The following COL28A1 variants were observed in gnomAD, a reference collection of about 807,000 sequenced individuals.
COL28A1 encodes collagen type XXVIII alpha 1 chain.
Under a neutral mutation model 150.2 loss-of-function variants are expected in COL28A1, and 161 were observed. The ratio of observed to expected loss-of-function variants is 1.07; its 90% CI spans 0.94 to 1.22. COL28A1 has a LOEUF of 1.22. Ranked by LOEUF, COL28A1 falls within the 50% of genes most tolerant of loss-of-function variation. The pLI, the probability that COL28A1 is intolerant of heterozygous loss-of-function variation, is 0.00. For missense variants in COL28A1, 1,617 were observed against 1,388.3 expected, an observed-to-expected ratio of 1.16 and a Z score of -2.62; for synonymous variants, 552 against 469.7, an observed-to-expected ratio of 1.18 and a Z score of -2.26.
At chr7:7,527,455 G>T (rs1782090521) in intron 3 of COL28A1, among the ~76,000 whole-genome samples, 1 of 152,218 alleles carries the variant, frequency 6.6e-6, no homozygotes, top group African/African-American at 2.4e-5. Flanking sequence ...AAGGACTAGT[G>T]TGGGCAATAA....
At chr7:7,530,352 G>A (rs868850144) in intron 3 of COL28A1, among the ~76,000 whole-genome samples, 7 of 152,144 alleles carry the variant, frequency 4.6e-5, no homozygotes, top group African/African-American at 1.4e-4. Flanking sequence ...AAGCAACAGA[G>A]AGTAAAAAGA....
At chr7:7,403,399 T>A (rs1161549767) in intron 27 of COL28A1, among the ~76,000 whole-genome samples, 1 of 152,212 alleles carries the variant, frequency 6.6e-6, no homozygotes, top group Non-Finnish European at 1.5e-5. Flanking sequence ...TCTCAACGCC[T>A]CTTTTGACTT....
At chr7:7,347,715 T>C in the COL28A1 span, among the ~76,000 whole-genome samples, 1 of 152,032 alleles carries the variant, frequency 6.6e-6, no homozygotes, top group African/African-American at 2.4e-5. Flanking sequence ...GAGACTGCCA[T>C]GTGGAGAAGA....
chr7:7,519,932 T>G, intron 6 of COL28A1, 130 bp downstream of exon 6: 1 of 561,114 alleles, frequency 1.8e-6, no homozygotes, highest in Non-Finnish European at 3.2e-6. Context: ...GTGGAAATCC[T>G]GTATTCTTCA....
At chr7:7,397,663 G>A (rs918138043) in intron 27 of COL28A1, among the ~76,000 whole-genome samples, 3 of 152,150 alleles carry the variant, frequency 2.0e-5, no homozygotes, top group Non-Finnish European at 2.9e-5. Flanking sequence ...CTTCTCAGGC[G>A]TGAGCTTCAA....
intron 18 of COL28A1, among the ~76,000 whole-genome samples, chr7:7,447,713 G>T (rs1360838955): frequency 1.3e-5 from 2 of 152,054 alleles, no homozygotes; most frequent in African/African-American, 2.4e-5. Flanking sequence ...AAAAACACTG[G>T]ACAGAATTAA....
At chr7:7,503,649 A>G (rs1780652785) in intron 11 of COL28A1, among the ~76,000 whole-genome samples, 1 of 152,238 alleles carries the variant, frequency 6.6e-6, no homozygotes, top group Non-Finnish European at 1.5e-5. Context: ...CTGAAAACTG[A>G]CTTTTATGAC....
At chr7:7,413,472 C>T (rs1195267570) in intron 27 of COL28A1, among the ~76,000 whole-genome samples, 1 of 152,160 alleles carries the variant, frequency 6.6e-6, no homozygotes, top group Non-Finnish European at 1.5e-5. Context: ...CCTTTCCAAG[C>T]CACTTTGCAA....
intron 11 of COL28A1, among the ~76,000 whole-genome samples, chr7:7,499,070 C>T (rs961796492): frequency 5.9e-5 from 9 of 152,010 alleles, no homozygotes; most frequent in Non-Finnish European, 1.0e-4. Context: ...TCATGTCAAA[C>T]GAGTTAATAA....
chr7:7,388,540 G>C (rs1232777300), intron 27 of COL28A1, among the ~76,000 whole-genome samples: 3 of 152,248 alleles, frequency 2.0e-5, no homozygotes, highest in African/African-American at 7.2e-5. Flanking sequence ...GGATTGCTGG[G>C]TCAAATGGTA....
At chr7:7,472,538 G>A (rs889305492) in intron 15 of COL28A1, among the ~76,000 whole-genome samples, 1 of 152,102 alleles carries the variant, frequency 6.6e-6, no homozygotes, top group East Asian at 1.9e-4. Flanking sequence ...ACAAACAAAT[G>A]CAAACACATC....
chr7:7,481,712 C>T (rs1327607700), intron 13 of COL28A1, among the ~76,000 whole-genome samples: 1 of 152,184 alleles, frequency 6.6e-6, no homozygotes, highest in Non-Finnish European at 1.5e-5. Flanking sequence ...CATCTTATTA[C>T]TTTCCGTAGT....
At chr7:7,446,999 G>A (rs761093438) in intron 18 of COL28A1, among the ~76,000 whole-genome samples, 1 of 152,164 alleles carries the variant, frequency 6.6e-6, no homozygotes, top group Non-Finnish European at 1.5e-5. Context: ...AAGGATTAGA[G>A]AGAACTGACA....
chr7:7,460,955 G>C (rs938706771), intron 15 of COL28A1, among the ~76,000 whole-genome samples: 3 of 152,146 alleles, frequency 2.0e-5, no homozygotes, highest in African/African-American at 7.2e-5. Context: ...AGCATGTGGA[G>C]GCTAGCACTG....
At chr7:7,516,162 T>A (rs886410093) in intron 7 of COL28A1, among the ~76,000 whole-genome samples, 1 of 152,242 alleles carries the variant, frequency 6.6e-6, no homozygotes, top group African/African-American at 2.4e-5. Context: ...TGATGGCCTA[T>A]AATGGTCCCT....
At position 7,370,801 on chromosome 7, in the gene COL28A1, G is replaced by C. The variant is rs775331176; in HGVS notation, c.2990C>G (p.Pro997Arg). The C allele has an allele frequency of 3.1e-6, 5 of 1,613,532 alleles. No individual in the cohort carries two copies. The African/African-American group carries it at 6.7e-5, about 22-fold the overall frequency. ...YLVQIFGSSS[P>R]QPGFGMSGEE... is the part of the protein sequence containing the mutation. ...CCCTGACATCCCAAATCCAGGTTGAGGTGACGATGAACCAAAAATTTGAAC... is the reference window on the plus strand; with the variant it reads ...CCCTGACATCCCAAATCCAGGTTGACGTGACGATGAACCAAAAATTTGAAC... Residue 997 changes from proline (P) to arginine (R), a missense_variant, in exon 33 of 35, where the codon CCT (proline) becomes CGT (arginine). Physicochemically the swap from Pro to Arg is moderately radical, Grantham distance 103 (BLOSUM62 -2). Coordinates refer to ENST00000399429, the MANE Select transcript of COL28A1 (RefSeq NM_001037763.3).
At chr7:7,393,883 G>A (rs891730201) in intron 27 of COL28A1, among the ~76,000 whole-genome samples, 5 of 152,092 alleles carry the variant, frequency 3.3e-5, no homozygotes, top group Non-Finnish European at 7.4e-5. Flanking sequence ...GGTGGGATCC[G>A]CTGAAGTAGA....
chr7:7,493,859 C>A (rs917020516), intron 11 of COL28A1, among the ~76,000 whole-genome samples: 4 of 151,968 alleles, frequency 2.6e-5, no homozygotes, highest in African/African-American at 9.7e-5. Context: ...AACACACACA[C>A]ACACACACAA....
chr7:7,435,505 G>C (rs1484841134), intron 23 of COL28A1, among the ~76,000 whole-genome samples: 2 of 152,036 alleles, frequency 1.3e-5, no homozygotes, highest in Admixed American at 1.3e-4. Flanking sequence ...TTCAATCCCG[G>C]GCAAACTAGG....
Sources: gnomAD v4.1 joint callset for allele counts (sites outside exome capture counted in the v4.1 genomes callset) on GRCh38, gnomAD v4.1.1 for gene constraint, MANE v1.5 for transcripts, NCBI Gene and HGNC (gene_info 2026-07-23, HGNC 2026-07-21) for gene names.